JMY: variants seen among roughly 807,000 people sequenced by gnomAD.
The protein encoded by JMY is junction-mediating and -regulatory protein.
Under a neutral mutation model 103.3 loss-of-function variants are expected in JMY, and 46 were observed. The ratio of observed to expected loss-of-function variants is 0.45; its 90% confidence interval spans 0.35 to 0.57. JMY has a LOEUF of 0.57. Among genes scored for constraint, JMY ranks in the 20% least tolerant of loss-of-function variants. The probability of loss-of-function intolerance (pLI) is 0.00; values close to 1 mark genes in which losing one functional copy is unlikely to be tolerated. For synonymous variants in JMY, 526 were observed against 489.3 expected, an observed-to-expected ratio of 1.07 and a Z score of -0.99; for missense variants, 1,238 against 1,255.2, an observed-to-expected ratio of 0.99 and a Z score of 0.21.
chr5:79,278,585 CAAAAAAAAAAAA>C (rs34278536), intron 2 of JMY, among the ~76,000 whole-genome samples: 26 of 57,302 alleles, frequency 4.5e-4, no homozygotes, highest in East Asian at 2.3e-3. Flanking sequence ...CCCGTCTCTA[CAAAAAAAAAAAA>C]AAAAAAAAAA....
intron 6 of JMY, 24 bp from the exon 7 acceptor site, chr5:79,306,350 TA>T (rs755413787): frequency 3.3e-6 from 5 of 1,524,324 alleles, no homozygotes; most frequent in South Asian, 2.3e-5. Context: ...TCACTTGTAT[TA>T]AAACACATTT....
At chr5:79,294,858 CA>C (rs369580669) in intron 4 of JMY, among the ~76,000 whole-genome samples, 2,956 of 111,002 alleles carry the variant, frequency 0.027, 77 homozygotes, top group African/African-American at 0.076. Context: ...AACTCTGTCT[CA>C]AAAAAAAAAA....
Position 79,265,350 on chromosome 5 carries a change from T to G in JMY, c.1033-12560T>G, listed in dbSNP as rs867067395. On this transcript the variant is annotated intron_variant, in intron 1 of 10. Coordinates refer to ENST00000396137, the MANE Select transcript of JMY (RefSeq NM_152405.5). Reference sequence around the variant, plus strand: ...TAACTGATGGTTAATATGGGGATATTAAGATATTTATTAAAGCAGTGCTTC... The same window carrying G: ...TAACTGATGGTTAATATGGGGATATGAAGATATTTATTAAAGCAGTGCTTC... 2.6e-5 allele frequency among the ~76,000 whole-genome samples: 4 copies of G among 152,214 alleles called. No homozygotes were observed. In the South Asian group the frequency reaches 8.3e-4, roughly 31 times the overall value.
intron 3 of JMY, among the ~76,000 whole-genome samples, 183 bp downstream of exon 3, chr5:79,290,454 AAT>A (rs1746386253): frequency 6.6e-6 from 1 of 151,772 alleles, no homozygotes; most frequent in African/African-American, 2.4e-5. Flanking sequence ...CATATATTTA[AAT>A]ATATATAATT....
intron 1 of JMY, among the ~76,000 whole-genome samples, chr5:79,277,411 G>C (rs1745971810): frequency 6.6e-6 from 1 of 151,502 alleles, no homozygotes; most frequent in Admixed American, 6.6e-5. Flanking sequence ...TGGCTGTCTT[G>C]AGCCAAGGAG....
Position 79,277,927 on chromosome 5 carries a change from G to T in JMY, c.1050G>T (p.Lys350Asn). 6.2e-7 allele frequency: 1 copy of T among 1,613,278 alleles called. No homozygotes were observed. Among genetic ancestry groups the T allele is most frequent in the South Asian group, 1.1e-5 (1 of 90,914 alleles). ...TTCCACAGCTCTTGGATAAGCACAAGAATACAGAGAGCATGGTGGAGCTTC... is the reference window on the plus strand; with the variant it reads ...TTCCACAGCTCTTGGATAAGCACAATAATACAGAGAGCATGGTGGAGCTTC... ...KRIQELLDKH[K>N]NTESMVELLD... The change falls in exon 2 of 11, where the codon AAG becomes AAT. Residue 350 changes from lysine (K) to asparagine (N), a missense_variant. Lys to Asn is a moderately conservative substitution (Grantham distance 94, BLOSUM62 0). Coordinates refer to ENST00000396137, the MANE Select transcript of JMY (RefSeq NM_152405.5).
In JMY at chr5:79,284,848, G is replaced by A. The variant is rs781682348; in HGVS notation, c.1207-5273G>A. 3 of 1,572,880 alleles carry A rather than the reference G, an allele frequency of 1.9e-6. No homozygotes were observed. In the Admixed American group the frequency reaches 5.0e-5, roughly 26 times the overall value. On this transcript the variant is annotated intron_variant, in intron 2 of 10. Transcript: ENST00000396137. ...ATCATACCAATCTTTCTTAGAAAAT[G>A]GATCAACCACTTTCTTCTTGGCCCC... is the stretch of plus-strand genomic sequence containing the variant.
intron 7 of JMY, among the ~76,000 whole-genome samples, 168 bp downstream of exon 7, chr5:79,306,629 C>T (rs1746890553): frequency 6.6e-6 from 1 of 152,032 alleles, no homozygotes; most frequent in Non-Finnish European, 1.5e-5. Flanking sequence ...TACAGAGTTC[C>T]TATACCCTCA....
chr5:79,323,423 T>TC lies in JMY; in HGVS notation c.*1821_*1822insC, dbSNP rs763620303. The TC allele has an allele frequency of 2.0e-5, 3 of 152,172 alleles. No individual in the cohort carries two copies. The highest frequency in any genetic ancestry group is 4.4e-5 in the Non-Finnish European group (3 of 68,034). 9.4% of individuals were successfully genotyped at this position (152,172 alleles called of 1,614,324 possible). A position where few individuals can be genotyped will look rare whatever the true frequency, so the allele number is the denominator to read the frequency against. ...TATGGAAGCTTCAACAGCATGGGGG[T>TC]GGTGATAGTGTCCTATTTGCCCTTG... On this transcript the variant is annotated 3_prime_UTR_variant, in exon 11 of 11. Coordinates refer to ENST00000396137, the MANE Select transcript of JMY (RefSeq NM_152405.5).
At chr5:79,311,399 A>G (rs577780236) in intron 7 of JMY, among the ~76,000 whole-genome samples, 1 of 152,272 alleles carries the variant, frequency 6.6e-6, no homozygotes, top group South Asian at 2.1e-4. Flanking sequence ...TTCTCATTAG[A>G]AATTATATTG....
chr5:79,270,098 C>T (rs1474696442), intron 1 of JMY, among the ~76,000 whole-genome samples: 3 of 151,716 alleles, frequency 2.0e-5, no homozygotes, highest in African/African-American at 7.3e-5. Flanking sequence ...CATCTGCAAG[C>T]AGAGACAGTT....
chr5:79,276,544 G>C (rs923050174), intron 1 of JMY, among the ~76,000 whole-genome samples: 2 of 152,122 alleles, frequency 1.3e-5, no homozygotes, highest in African/African-American at 4.8e-5. Context: ...TCATGCCTCA[G>C]CCTCCCATAG....
chr5:79,275,156 GTT>G (rs113713043), intron 1 of JMY, among the ~76,000 whole-genome samples: 11 of 133,628 alleles, frequency 8.2e-5, no homozygotes, highest in Non-Finnish European at 1.1e-4. Flanking sequence ...GTTTCTGAGG[GTT>G]TTTTTTTTTT....
intron 1 of JMY, among the ~76,000 whole-genome samples, chr5:79,257,755 G>T (rs1216776214): frequency 6.6e-6 from 1 of 151,970 alleles, no homozygotes; most frequent in Non-Finnish European, 1.5e-5. Context: ...CCTAAGAGAT[G>T]AAAACAGATT....
At chr5:79,284,188 C>A in intron 2 of JMY, 5 of 1,559,736 alleles carry the variant, frequency 3.2e-6, no homozygotes, top group Non-Finnish European at 4.4e-6. Flanking sequence ...ACTTTAGCAC[C>A]TCTCTCGTCC....
chr5:79,260,917 C>T (rs1478198447), intron 1 of JMY, among the ~76,000 whole-genome samples: 2 of 152,142 alleles, frequency 1.3e-5, no homozygotes, highest in Non-Finnish European at 2.9e-5. Context: ...CCCAGGGCCA[C>T]AGATGCAGTA....
intron 2 of JMY, among the ~76,000 whole-genome samples, chr5:79,280,042 A>G (rs935115095): frequency 6.6e-6 from 1 of 152,008 alleles, no homozygotes; most frequent in African/African-American, 2.4e-5. Context: ...GGAGGTCTCC[A>G]TCTGTTGCCC....
chr5:79,298,416 A>C (rs1372402919), intron 4 of JMY, among the ~76,000 whole-genome samples: 3 of 152,192 alleles, frequency 2.0e-5, no homozygotes, highest in Non-Finnish European at 4.4e-5. Flanking sequence ...AAGAGCCCCA[A>C]GAGAGTATGA....
chr5:79,257,546 G>T (rs1745285128), intron 1 of JMY, among the ~76,000 whole-genome samples: 1 of 152,168 alleles, frequency 6.6e-6, no homozygotes, highest in Non-Finnish European at 1.5e-5. Context: ...CGAGGCTGCA[G>T]TAGGCCATGA....
Sources: allele counts gnomAD v4.1 joint callset (sites outside exome capture counted in the v4.1 genomes callset), GRCh38; gene constraint gnomAD v4.1.1; transcripts MANE v1.5; gene names NCBI Gene and HGNC (gene_info 2026-07-23, HGNC 2026-07-21).